PIAS2: variants seen among roughly 807,000 people sequenced by gnomAD.
The protein encoded by PIAS2 is E3 SUMO-protein ligase PIAS2.
PIAS2 carries 19 observed loss-of-function variants against 69.7 expected under a neutral mutation model. The ratio of observed to expected loss-of-function variants is 0.27; its 90% CI spans 0.19 to 0.40. The LOEUF (loss-of-function observed/expected upper bound fraction) is 0.40. Among genes scored for constraint, PIAS2 ranks in the 10% least tolerant of loss-of-function variants. PIAS2 has a pLI of 1.00. For missense variants in PIAS2, 624 were observed against 757.0 expected (o/e 0.82, Z 2.06); for synonymous variants, 261 against 263.2 (o/e 0.99, Z 0.08).
At chr18:46,885,667 G>C (rs1034673680) in intron 2 of PIAS2, among the ~76,000 whole-genome samples, 4 of 151,796 alleles carry the variant, frequency 2.6e-5, no homozygotes, top group Non-Finnish European at 5.9e-5. Context: ...CTGGGTGACA[G>C]AGCGAGACTC....
intron 2 of PIAS2, among the ~76,000 whole-genome samples, chr18:46,888,780 G>A (rs1168977568): frequency 2.0e-5 from 3 of 152,146 alleles, no homozygotes; most frequent in African/African-American, 7.2e-5. Flanking sequence ...GACAGGAGGT[G>A]GAGCTCAGGC....
chr18:46,828,507 G>A (rs911006654), intron 10 of PIAS2, among the ~76,000 whole-genome samples: 1 of 152,136 alleles, frequency 6.6e-6, no homozygotes, highest in African/African-American at 2.4e-5. Flanking sequence ...CAGGTCATGG[G>A]ACAAGAATGG....
At chr18:46,824,992 C>A (rs2042654906) in intron 11 of PIAS2, among the ~76,000 whole-genome samples, 1 of 150,334 alleles carries the variant, frequency 6.7e-6, no homozygotes, top group African/African-American at 2.5e-5. Context: ...AAACTGAGAC[C>A]CTGTCTCAAA....
At chr18:46,825,135 A>C (rs1357430074) in intron 11 of PIAS2, among the ~76,000 whole-genome samples, 1 of 152,164 alleles carries the variant, frequency 6.6e-6, no homozygotes, top group Non-Finnish European at 1.5e-5. Context: ...TCCTATGATA[A>C]ACTTACACAG....
At chr18:46,877,465 C>T (rs1274446795) in intron 2 of PIAS2, among the ~76,000 whole-genome samples, 2 of 152,006 alleles carry the variant, frequency 1.3e-5, no homozygotes, top group South Asian at 2.1e-4. Context: ...TGGAAAGCGT[C>T]CTCTTCACTC....
chr18:46,916,792 GC>G, intron 1 of PIAS2: 1 of 984,188 alleles, frequency 1.0e-6, no homozygotes, highest in Non-Finnish European at 1.2e-6. Context: ...ATGTTAGGAG[GC>G]AAGGGTGGGA....
chr18:46,848,151 G>C (rs767302172), intron 5 of PIAS2, among the ~76,000 whole-genome samples: 21 of 152,092 alleles, frequency 1.4e-4, no homozygotes, highest in Non-Finnish European at 2.5e-4. Flanking sequence ...TGTGCAAGCA[G>C]GAATTTTAGA....
At chr18:46,849,672 T>G (rs1235405693) in intron 5 of PIAS2, among the ~76,000 whole-genome samples, 1 of 152,216 alleles carries the variant, frequency 6.6e-6, no homozygotes, top group Non-Finnish European at 1.5e-5. Flanking sequence ...TCCTCCAAAT[T>G]TTCTAATTAC....
chr18:46,897,088 T>A (rs1260608929), intron 1 of PIAS2, among the ~76,000 whole-genome samples: 1 of 152,140 alleles, frequency 6.6e-6, no homozygotes, highest in Non-Finnish European at 1.5e-5. Context: ...AACTCAAAAG[T>A]TTGCTTGAAC....
At chr18:46,815,867 C>T in intron 12 of PIAS2, 8 of 985,658 alleles carry the variant, frequency 8.1e-6, no homozygotes, top group Non-Finnish European at 9.6e-6. Context: ...ACAAAGCACA[C>T]ACTCGGGAAT....
intron 2 of PIAS2, among the ~76,000 whole-genome samples, chr18:46,888,535 A>C (rs2053560785): frequency 6.6e-6 from 1 of 152,188 alleles, no homozygotes; most frequent in African/African-American, 2.4e-5. Context: ...TACTGGCATA[A>C]AGACAGACAT....
chr18:46,913,383 G>C (rs1018182708), intron 1 of PIAS2, among the ~76,000 whole-genome samples: 1 of 152,104 alleles, frequency 6.6e-6, no homozygotes, highest in Non-Finnish European at 1.5e-5. Flanking sequence ...AATTTACCCA[G>C]TTTGGTAAAT....
At chr18:46,842,834 C>G (rs1001820230) in intron 8 of PIAS2, among the ~76,000 whole-genome samples, 1 of 152,152 alleles carries the variant, frequency 6.6e-6, no homozygotes, top group Admixed American at 6.5e-5. Flanking sequence ...AACTGCACAC[C>G]TCTTCCCTGC....
chr18:46,825,278 C>CATGG (rs2042701841), intron 11 of PIAS2, among the ~76,000 whole-genome samples: 1 of 152,084 alleles, frequency 6.6e-6, no homozygotes, highest in South Asian at 2.1e-4. Flanking sequence ...CATGAGCCTC[C>CATGG]ACTATGACAC....
Position 46,820,965 on chromosome 18 carries a change from G to A in PIAS2, c.1616C>T (p.Thr539Met), listed in dbSNP as rs116271713. 87 of 1,612,650 alleles carry A rather than the reference G, an allele frequency of 5.4e-5. No individual in the cohort carries two copies. The highest frequency in any genetic ancestry group is 3.8e-4 in the East Asian group (17 of 44,852). ...LTDYSVPFHH[T>M]PISSMSSDLP... Reference sequence around the variant, plus strand: ...ATCTGATGACATGCTTGATATTGGCGTATGGTGGAATGGTACTGAGTAGTC... The same window carrying A: ...ATCTGATGACATGCTTGATATTGGCATATGGTGGAATGGTACTGAGTAGTC... Residue 539 changes from threonine (T) to methionine (M), a missense_variant, in exon 12 of 14, where the codon ACG (threonine) becomes ATG (methionine). Coordinates refer to ENST00000585916, the MANE Select transcript of PIAS2 (RefSeq NM_004671.5).
intron 5 of PIAS2, among the ~76,000 whole-genome samples, chr18:46,847,051 T>C (rs1001391434): frequency 3.9e-5 from 6 of 152,128 alleles, no homozygotes; most frequent in African/African-American, 1.2e-4. Context: ...TCCAGAAAGG[T>C]AGGAAAAAAA....
chr18:46,887,515 G>T (rs1021249873), intron 2 of PIAS2, among the ~76,000 whole-genome samples: 3 of 152,126 alleles, frequency 2.0e-5, no homozygotes, highest in Non-Finnish European at 4.4e-5. Flanking sequence ...ATTTCATAAA[G>T]AAATTCAAAT....
upstream of PIAS2, chr18:46,917,638 C>A: frequency 2.4e-6 from 2 of 823,612 alleles, no homozygotes; most frequent in Non-Finnish European, 2.9e-6. Flanking sequence ...GCGCCTGCCC[C>A]GGCGTGCTGC....
At position 46,805,030 on chromosome 18, in the gene PIAS2, G is replaced by C. The variant is rs933305707; in HGVS notation, c.*7403C>G. 2.6e-5 allele frequency: 4 copies of C among 152,236 alleles called. No individual in the cohort carries two copies. Among genetic ancestry groups the C allele is most frequent in the African/African-American group, 9.6e-5 (4 of 41,466 alleles). 9.4% of individuals were successfully genotyped at this position (152,236 alleles called of 1,614,324 possible). A position where few individuals can be genotyped will look rare whatever the true frequency, so the allele number is the denominator to read the frequency against. On this transcript the variant is annotated 3_prime_UTR_variant, in exon 14 of 14. Transcript: ENST00000585916. ...ATTCTCTGAAACTGGAAACAAAAAA[G>C]GATGGAGGTGGTCATAGGTGGGGAA...
Sources: gnomAD v4.1 joint callset for allele counts (sites outside exome capture counted in the v4.1 genomes callset) on GRCh38, gnomAD v4.1.1 for gene constraint, MANE v1.5 for transcripts, NCBI Gene and HGNC (gene_info 2026-07-23, HGNC 2026-07-21) for gene names.